Variants in TLR6 observed in about 807,000 individuals in gnomAD.
TLR6 encodes the protein toll like receptor 6, also known as toll-like receptor 6.
In TLR6, 9 loss-of-function variants were observed where a neutral mutation model predicts 16.1. That is an observed-to-expected ratio of 0.56 (90% CI 0.34 to 0.98). TLR6 has a LOEUF of 0.98. TLR6 is among the 50% of genes least tolerant of loss of function. TLR6 has a pLI of 0.02. For synonymous variants in TLR6, 340 were observed against 338.6 expected, an observed-to-expected ratio of 1.00 and a Z score of -0.04; for missense variants, 786 against 921.0, an observed-to-expected ratio of 0.85 and a Z score of 1.90.
upstream of TLR6, among the ~76,000 whole-genome samples, chr4:38,860,538 A>G (rs996242565): frequency 2.0e-5 from 3 of 151,142 alleles, no homozygotes; most frequent in Non-Finnish European, 4.4e-5. Flanking sequence ...GCTGAATTAA[A>G]AAAAAAAAAA....
upstream of TLR6, among the ~76,000 whole-genome samples, chr4:38,858,983 G>C (rs746487312): frequency 6.6e-6 from 1 of 152,204 alleles, no homozygotes; most frequent in Non-Finnish European, 1.5e-5. Context: ...CATTTACACA[G>C]GTTATCTTCT....
chr4:38,861,515 T>C (rs1713193305), upstream of TLR6, among the ~76,000 whole-genome samples: 2 of 152,174 alleles, frequency 1.3e-5, no homozygotes, highest in African/African-American at 4.8e-5. Flanking sequence ...TCCTCTTCAT[T>C]ATTCTTCTGC....
chr4:38,854,172 C>T (rs1044700885), intron 1 of TLR6, among the ~76,000 whole-genome samples: 8 of 152,042 alleles, frequency 5.3e-5, no homozygotes, highest in African/African-American at 1.9e-4. Flanking sequence ...TGTGCAATCT[C>T]ACAAAAAATA....
chr4:38,828,582 T>C (rs1727669086), exon 2 of TLR6: 1 of 1,613,782 alleles, frequency 6.2e-7, no homozygotes. Flanking sequence ...TTAGAATAAG[T>C]AAAATCTTCT....
exon 2 of TLR6, chr4:38,826,549 A>G (rs1727550645): frequency 6.5e-6 from 1 of 152,732 alleles, no homozygotes; most frequent in East Asian, 1.9e-4. Context: ...CTCATTGGTT[A>G]ATTACATATT....
chr4:38,858,710 A>T (rs1211992327), upstream of TLR6, among the ~76,000 whole-genome samples: 2 of 148,760 alleles, frequency 1.3e-5, no homozygotes, highest in East Asian at 4.0e-4. Flanking sequence ...ACAGAGTGAG[A>T]CTCTGGCTCA....
exon 2 of TLR6, chr4:38,826,854 C>T: frequency 2.5e-6 from 1 of 398,824 alleles, no homozygotes; most frequent in Non-Finnish European, 4.4e-6. Context: ...TCAAAAGAGA[C>T]TGTTTCAATT....
At chr4:38,864,641 C>G in the TLR6 span, among the ~76,000 whole-genome samples, 1 of 152,166 alleles carries the variant, frequency 6.6e-6, no homozygotes, top group Non-Finnish European at 1.5e-5. Context: ...ACAGGATGTC[C>G]TTAATATTCT....
chr4:38,829,555 A>G lies in TLR6; in HGVS notation c.-64-18T>C. ...TCCAAATTCTAGAAATATAATATACACTAAGATTAATAAAGATCGGATGGT... is the reference window on the plus strand; with the variant it reads ...TCCAAATTCTAGAAATATAATATACGCTAAGATTAATAAAGATCGGATGGT... On this transcript the variant is annotated intron_variant, in intron 1 of 1. Coordinates refer to ENST00000436693, the Ensembl canonical transcript of TLR6. 1 of 787,674 alleles carries G rather than the reference A, an allele frequency of 1.3e-6. No homozygotes were observed. The highest frequency in any genetic ancestry group is 1.7e-5 in the South Asian group (1 of 57,642). 48.8% of individuals were successfully genotyped at this position (787,674 alleles called of 1,614,324 possible). A position where few individuals can be genotyped will look rare whatever the true frequency, so the allele number is the denominator to read the frequency against.
At chr4:38,823,070 T>C (rs1363202142), downstream of TLR6, among the ~76,000 whole-genome samples, 1 of 152,060 alleles carries the variant, frequency 6.6e-6, no homozygotes, top group Non-Finnish European at 1.5e-5. Context: ...TGAGACCCAT[T>C]CGCTAACAGG....
intron 1 of TLR6, among the ~76,000 whole-genome samples, chr4:38,853,341 G>T (rs1712844284): frequency 6.6e-6 from 1 of 150,918 alleles, no homozygotes; most frequent in Non-Finnish European, 1.5e-5. Context: ...TAACAAACCT[G>T]CATGTTGTGC....
rs189098968 is a variant in TLR6 at position 38,855,399 on chromosome 4, T to C, written c.-65+1362A>G. On this transcript the variant is annotated intron_variant, in intron 1 of 1. Transcript: ENST00000436693. ...ATTTTCTTTCTTATACTTTCAGATATCCCTAAAATGTCTCATTTTGAATGT... is the reference window on the plus strand; with the variant it reads ...ATTTTCTTTCTTATACTTTCAGATACCCCTAAAATGTCTCATTTTGAATGT... 2.6e-5 allele frequency among the ~76,000 whole-genome samples: 4 copies of C among 152,270 alleles called. No homozygotes were observed. The East Asian group carries it at 7.7e-4, about 29-fold the overall frequency.
chr4:38,854,453 T>C (rs1712889243), intron 1 of TLR6, among the ~76,000 whole-genome samples: 2 of 151,740 alleles, frequency 1.3e-5, no homozygotes, highest in African/African-American at 4.8e-5. Context: ...ATTTTTACTA[T>C]AAGATATTTA....
At chr4:38,833,880 G>T (rs930939844) in intron 1 of TLR6, among the ~76,000 whole-genome samples, 3 of 151,826 alleles carry the variant, frequency 2.0e-5, no homozygotes, top group Non-Finnish European at 4.4e-5. Flanking sequence ...AGAAATTTTG[G>T]AACTACAGAG....
exon 2 of TLR6, chr4:38,828,731 C>T: frequency 1.2e-6 from 2 of 1,613,932 alleles, no homozygotes; most frequent in Non-Finnish European, 1.7e-6. Flanking sequence ...TAAGGTTGAA[C>T]CTCTGGTGAG....
chr4:38,849,172 C>G (rs1712663651), intron 1 of TLR6, among the ~76,000 whole-genome samples: 1 of 152,166 alleles, frequency 6.6e-6, no homozygotes, highest in Non-Finnish European at 1.5e-5. Flanking sequence ...CATATCCAGC[C>G]AAACTAAGCT....
At chr4:38,840,857 A>G (rs1284122340) in intron 1 of TLR6, among the ~76,000 whole-genome samples, 1 of 152,226 alleles carries the variant, frequency 6.6e-6, no homozygotes, top group Non-Finnish European at 1.5e-5. Flanking sequence ...AAGCAGTGCC[A>G]CATCGAAAAT....
the TLR6 span, among the ~76,000 whole-genome samples, chr4:38,864,780 G>A: frequency 6.6e-6 from 1 of 152,242 alleles, no homozygotes; most frequent in African/African-American, 2.4e-5. Flanking sequence ...AGGAGGCTGA[G>A]GCGGGAGGAT....
chr4:38,849,016 G>C (rs951458884), intron 1 of TLR6, among the ~76,000 whole-genome samples: 31 of 152,126 alleles, frequency 2.0e-4, no homozygotes, highest in African/African-American at 7.0e-4. Context: ...AAATGTTAAG[G>C]GCAGCCAGAG....
Sources: gnomAD v4.1 joint callset for allele counts (sites outside exome capture counted in the v4.1 genomes callset) on GRCh38, gnomAD v4.1.1 for gene constraint, MANE v1.5 for transcripts, NCBI Gene and HGNC (gene_info 2026-07-23, HGNC 2026-07-21) for gene names.